The following SLC39A12 variants were observed in gnomAD, a reference collection of about 807,000 sequenced individuals.
The protein encoded by SLC39A12 is zinc transporter ZIP12.
Under a neutral mutation model 71.1 loss-of-function variants are expected in SLC39A12, and 63 were observed. The observed-to-expected ratio is 0.89, with a 90% CI of 0.72 to 1.09. The LOEUF (loss-of-function observed/expected upper bound fraction) is 1.09, where lower values mean the gene tolerates loss of function less well. Ranked by LOEUF, SLC39A12 falls within the 50% of genes least tolerant of loss-of-function variation. The pLI is 0.00. For missense variants in SLC39A12, 892 were observed against 812.6 expected (o/e 1.10, Z -1.19); for synonymous variants, 351 against 301.3 (o/e 1.16, Z -1.71).
chr10:17,991,352 A>G (rs764882901), intron 8 of SLC39A12, 49 bp downstream of exon 8: 2 of 1,435,208 alleles, frequency 1.4e-6, no homozygotes, highest in African/African-American at 1.5e-5. Context: ...CTTATAATAC[A>G]TTCATCTGTT....
Position 17,978,012 on chromosome 10 carries a change from T to G in SLC39A12, c.862T>G (p.Tyr288Asp), listed in dbSNP as rs1835156493. 1 of 1,606,464 alleles carries G rather than the reference T, an allele frequency of 6.2e-7. No individual in the cohort carries two copies. ...QNNIITHDQD[Y>D]SNFSSSMEKE... ...CAACATAATAACCCATGATCAGGAC[T>G]ATTCTAATTTCTCTTCATCCATGGA... Residue 288 changes from tyrosine (Y) to aspartate (D), a missense_variant, in exon 5 of 13, where the codon TAT (tyrosine) becomes GAT (aspartate). Coordinates refer to ENST00000377369, the MANE Select transcript of SLC39A12 (RefSeq NM_001145195.2).
At chr10:18,004,631 T>C (rs1447474469) in intron 12 of SLC39A12, among the ~76,000 whole-genome samples, 1 of 152,220 alleles carries the variant, frequency 6.6e-6, no homozygotes, top group Non-Finnish European at 1.5e-5. Flanking sequence ...CAAATGTCCT[T>C]CCATATTTAG....
chr10:17,998,734 G>T (rs1835752993), intron 10 of SLC39A12, among the ~76,000 whole-genome samples: 1 of 152,134 alleles, frequency 6.6e-6, no homozygotes, highest in African/African-American at 2.4e-5. Context: ...AGTAAATGGA[G>T]CTATCTCCTA....
chr10:17,982,988 A>G (rs1223005207), intron 6 of SLC39A12, among the ~76,000 whole-genome samples: 5 of 151,680 alleles, frequency 3.3e-5, no homozygotes, highest in Non-Finnish European at 1.5e-5. Context: ...CAGGAGATCA[A>G]GACCATCCTG....
At chr10:17,969,596 G>A (rs1834918889) in intron 4 of SLC39A12, among the ~76,000 whole-genome samples, 1 of 152,152 alleles carries the variant, frequency 6.6e-6, no homozygotes. Context: ...CTTATTTTGA[G>A]ACATGTCTAT....
intron 12 of SLC39A12, among the ~76,000 whole-genome samples, chr10:18,014,405 G>A (rs1208756276): frequency 6.6e-6 from 1 of 152,098 alleles, no homozygotes; most frequent in African/African-American, 2.4e-5. Flanking sequence ...TAACAGAAAG[G>A]TGTATTCTAC....
intron 12 of SLC39A12, among the ~76,000 whole-genome samples, chr10:18,003,857 C>T (rs1053640119): frequency 2.0e-5 from 3 of 152,198 alleles, no homozygotes; most frequent in Admixed American, 2.0e-4. Context: ...AATTAAATCA[C>T]TGTTTGACTT....
chr10:17,983,018 G>A (rs546827570), intron 6 of SLC39A12, among the ~76,000 whole-genome samples: 5 of 150,888 alleles, frequency 3.3e-5, no homozygotes, highest in South Asian at 2.1e-4. Context: ...GTGAAACCCC[G>A]TCTCTACTAA....
chr10:17,993,405 C>T (rs1012715004), intron 9 of SLC39A12, 114 bp downstream of exon 9: 6 of 773,160 alleles, frequency 7.8e-6, no homozygotes, highest in Non-Finnish European at 1.3e-5. Flanking sequence ...TCCTGATTTG[C>T]CGGTTCTTAA....
chr10:18,038,807 G>T (rs1014307944), intron 12 of SLC39A12, among the ~76,000 whole-genome samples: 2 of 152,006 alleles, frequency 1.3e-5, no homozygotes, highest in Admixed American at 6.6e-5. Context: ...TGATTTGATC[G>T]ACCCAAATCT....
chr10:17,980,214 A>G (rs930656716), intron 5 of SLC39A12, among the ~76,000 whole-genome samples: 2 of 152,160 alleles, frequency 1.3e-5, no homozygotes, highest in Admixed American at 6.5e-5. Context: ...CATGCACCCA[A>G]ATATTTCCTG....
At chr10:17,954,779 C>G (rs998609928) in intron 2 of SLC39A12, among the ~76,000 whole-genome samples, 1 of 152,040 alleles carries the variant, frequency 6.6e-6, no homozygotes, top group East Asian at 1.9e-4. Context: ...TAACAACCGT[C>G]TCCAAAATAC....
intron 9 of SLC39A12, 47 bp from the exon 10 acceptor site, chr10:17,995,609 G>C (rs1393601644): frequency 6.5e-7 from 1 of 1,538,744 alleles, no homozygotes; most frequent in Non-Finnish European, 8.9e-7. Flanking sequence ...TCAACAAAAT[G>C]ATGGCCATTA....
chr10:18,020,040 A>G (rs948867801), intron 12 of SLC39A12, among the ~76,000 whole-genome samples: 2 of 152,022 alleles, frequency 1.3e-5, no homozygotes, highest in African/African-American at 4.8e-5. Context: ...AGTATGTTAC[A>G]TGGGTAAGGT....
intron 10 of SLC39A12, 139 bp from the exon 11 acceptor site, chr10:18,000,528 C>T (rs2497762): frequency 0.29 from 232,458 of 790,628 alleles, 35,521 homozygotes; most frequent in Admixed American, 0.4. Context: ...CTGACTTTTG[C>T]GGAAACAAAG....
intron 12 of SLC39A12, among the ~76,000 whole-genome samples, chr10:18,035,090 T>C (rs1175868876): frequency 7.0e-6 from 1 of 143,728 alleles, no homozygotes; most frequent in African/African-American, 2.6e-5. Flanking sequence ...ATTTTTTCCT[T>C]CATTTCAACT....
chr10:18,022,025 C>T (rs1437654023), intron 12 of SLC39A12, among the ~76,000 whole-genome samples: 5 of 151,988 alleles, frequency 3.3e-5, no homozygotes, highest in African/African-American at 1.2e-4. Context: ...GGTGACCTAC[C>T]CCTTCTCTCT....
intron 12 of SLC39A12, among the ~76,000 whole-genome samples, chr10:18,026,204 G>A (rs567263089): frequency 6.6e-6 from 1 of 152,158 alleles, no homozygotes; most frequent in African/African-American, 2.4e-5. Context: ...CCTTGTCTCT[G>A]AAGAATTTTT....
chr10:17,982,230 T>C (rs1372427979), intron 6 of SLC39A12, among the ~76,000 whole-genome samples: 3 of 152,158 alleles, frequency 2.0e-5, no homozygotes, highest in African/African-American at 7.2e-5. Context: ...GTCATTGCAA[T>C]AGATGAGATC....
Sources: allele counts gnomAD v4.1 joint callset (sites outside exome capture counted in the v4.1 genomes callset), GRCh38; gene constraint gnomAD v4.1.1; transcripts MANE v1.5; gene names NCBI Gene and HGNC (gene_info 2026-07-23, HGNC 2026-07-21).